Variants in B3GALT1 observed in about 807,000 individuals in gnomAD.
The protein encoded by B3GALT1 is beta-1,3-galactosyltransferase 1.
Under a neutral mutation model 23.2 loss-of-function variants are expected in B3GALT1, and 10 were observed. The ratio of observed to expected loss-of-function variants is 0.43; its 90% CI spans 0.27 to 0.73. The LOEUF (loss-of-function observed/expected upper bound fraction) is 0.73, where lower values mean the gene tolerates loss of function less well. B3GALT1 is among the 30% of genes least tolerant of loss of function. The pLI is 0.21. For missense variants in B3GALT1, 299 were observed against 405.4 expected, an observed-to-expected ratio of 0.74 and a Z score of 2.25; for synonymous variants, 156 against 141.5, an observed-to-expected ratio of 1.10 and a Z score of -0.73.
intron 1 of B3GALT1, among the ~76,000 whole-genome samples, chr2:167,301,820 A>C (rs2105480024): frequency 6.6e-6 from 1 of 152,294 alleles, no homozygotes; most frequent in Non-Finnish European, 1.5e-5. Flanking sequence ...AAGTGTTGGG[A>C]TTACAGGTGT....
chr2:167,843,069 T>A (rs1238419891), intron 4 of B3GALT1, among the ~76,000 whole-genome samples: 1 of 152,184 alleles, frequency 6.6e-6, no homozygotes, highest in East Asian at 1.9e-4. Flanking sequence ...CCACATGGTC[T>A]GTAGTTTTAG....
chr2:167,716,100 C>CAA, intron 3 of B3GALT1: 1 of 1,522,686 alleles, frequency 6.6e-7, no homozygotes, highest in Non-Finnish European at 9.0e-7. Context: ...CCGCAGTTAA[C>CAA]ACTGGCCACA....
chr2:167,353,074 A>G (rs1697342667), intron 1 of B3GALT1, among the ~76,000 whole-genome samples: 1 of 152,190 alleles, frequency 6.6e-6, no homozygotes, highest in African/African-American at 2.4e-5. Context: ...TAAGTATGTC[A>G]TATATTGACT....
At position 167,459,900 on chromosome 2, in the gene B3GALT1, T is replaced by C. The variant is rs543853282; in HGVS notation, c.-510-30277T>C. Among the ~76,000 whole-genome samples the C allele has an allele frequency of 3.3e-5, 5 of 152,250 alleles. No individual in the cohort carries two copies. The South Asian group carries it at 1.0e-3, about 32-fold the overall frequency. On this transcript the variant is annotated intron_variant, in intron 1 of 4. Coordinates refer to ENST00000392690, the MANE Select transcript of B3GALT1 (RefSeq NM_020981.4). ...TGACAGGGTGTTTTTGTTTTTGTTT[T>C]TGTTGTTTCATTTTAGCCCTTTGAA...
At chr2:167,484,624 T>C (rs1438382241) in intron 1 of B3GALT1, among the ~76,000 whole-genome samples, 1 of 151,976 alleles carries the variant, frequency 6.6e-6, no homozygotes, top group Non-Finnish European at 1.5e-5. Flanking sequence ...TAGAAAGGAG[T>C]GTCTAGGTTA....
intron 1 of B3GALT1, among the ~76,000 whole-genome samples, chr2:167,465,223 T>C (rs1699326464): frequency 6.6e-6 from 1 of 152,212 alleles, no homozygotes; most frequent in Admixed American, 6.5e-5. Context: ...TCTTATTTTA[T>C]TTTTTAGTGA....
chr2:167,638,569 T>G (rs1022322434), intron 2 of B3GALT1, among the ~76,000 whole-genome samples: 2 of 152,026 alleles, frequency 1.3e-5, no homozygotes, highest in Non-Finnish European at 2.9e-5. Flanking sequence ...ATGATCTGGT[T>G]GTTAGAGCTC....
At chr2:167,496,765 G>A (rs1195495221) in intron 2 of B3GALT1, among the ~76,000 whole-genome samples, 1 of 152,140 alleles carries the variant, frequency 6.6e-6, no homozygotes, top group Non-Finnish European at 1.5e-5. Context: ...CTCAGGAATG[G>A]TATTAGTGCC....
At chr2:167,777,544 C>T (rs1042735392) in intron 3 of B3GALT1, among the ~76,000 whole-genome samples, 4 of 152,100 alleles carry the variant, frequency 2.6e-5, no homozygotes, top group South Asian at 2.1e-4. Flanking sequence ...GACGTGGTTT[C>T]GCCTTGTTGG....
chr2:167,518,634 A>T (rs549457918), intron 2 of B3GALT1, among the ~76,000 whole-genome samples: 7 of 152,262 alleles, frequency 4.6e-5, no homozygotes, highest in Admixed American at 1.3e-4. Context: ...TGTTCGAAAG[A>T]TGGGCGTCTA....
intron 1 of B3GALT1, among the ~76,000 whole-genome samples, chr2:167,370,682 A>T (rs968892564): frequency 1.3e-5 from 2 of 152,146 alleles, no homozygotes; most frequent in Non-Finnish European, 2.9e-5. Flanking sequence ...CATGGTGTTT[A>T]TTAGTAGGCC....
chr2:167,642,099 C>T (rs1198132070), intron 2 of B3GALT1, among the ~76,000 whole-genome samples: 1 of 152,158 alleles, frequency 6.6e-6, no homozygotes, highest in African/African-American at 2.4e-5. Flanking sequence ...CTGTGAGCAC[C>T]ATCATCCCTT....
chr2:167,686,408 C>T (rs2105497324), intron 3 of B3GALT1, among the ~76,000 whole-genome samples: 1 of 152,226 alleles, frequency 6.6e-6, no homozygotes, highest in African/African-American at 2.4e-5. Context: ...CTTATTCATT[C>T]ACGTGTATTT....
Position 167,585,268 on chromosome 2 carries a change from TG to T in B3GALT1, c.-409-61638del, listed in dbSNP as rs567471997. 3.5e-3 allele frequency among the ~76,000 whole-genome samples: 540 copies of T among 152,298 alleles called. 5 individuals carry two copies. Among genetic ancestry groups the T allele is most frequent in the African/African-American group, 0.013 (524 of 41,558 alleles). ...GTCATGGTTCTAAGCAAACCGAAAT[TG>T]GGAGTTCAGTACCTATATTCAGGAT... On this transcript the variant is annotated intron_variant, in intron 2 of 4. Coordinates refer to ENST00000392690, the MANE Select transcript of B3GALT1 (RefSeq NM_020981.4).
rs990715945 is a variant in B3GALT1, at chr2:167,500,391, T to G, written c.-410+10114T>G. On this transcript the variant is annotated intron_variant, in intron 2 of 4. Transcript: ENST00000392690. ...TAAAACATGGGTTCAATGTGACCAG[T>G]TTTATATCACCACTTTAAATGATAA... 2.6e-5 allele frequency among the ~76,000 whole-genome samples: 4 copies of G among 152,146 alleles called. No individual in the cohort carries two copies. The South Asian group carries it at 6.2e-4, about 24-fold the overall frequency.
At chr2:167,399,126 G>A (rs1698145745) in intron 1 of B3GALT1, among the ~76,000 whole-genome samples, 1 of 152,112 alleles carries the variant, frequency 6.6e-6, no homozygotes, top group East Asian at 1.9e-4. Flanking sequence ...GATAGCAGTG[G>A]TGCAGGTGGC....
chr2:167,767,018 C>G (rs915736656), intron 3 of B3GALT1, among the ~76,000 whole-genome samples: 1 of 152,156 alleles, frequency 6.6e-6, no homozygotes, highest in Non-Finnish European at 1.5e-5. Context: ...CATGTTTCAT[C>G]TCCTATTAAA....
chr2:167,350,676 C>T (rs184502132), intron 1 of B3GALT1, among the ~76,000 whole-genome samples: 15 of 152,262 alleles, frequency 9.9e-5, no homozygotes, highest in Admixed American at 2.0e-4. Context: ...TTTCAGTCCC[C>T]GTGGGGCAAG....
intron 2 of B3GALT1, among the ~76,000 whole-genome samples, chr2:167,505,839 C>G (rs1387919667): frequency 6.6e-6 from 1 of 152,108 alleles, no homozygotes; most frequent in African/African-American, 2.4e-5. Context: ...GCAGGCAGAT[C>G]ACTTGAGGCC....
Sources: gnomAD v4.1 joint callset for allele counts (sites outside exome capture counted in the v4.1 genomes callset) on GRCh38, gnomAD v4.1.1 for gene constraint, MANE v1.5 for transcripts, NCBI Gene and HGNC (gene_info 2026-07-23, HGNC 2026-07-21) for gene names.